The following LOXL4 variants were observed in gnomAD, a reference collection of about 807,000 sequenced individuals.
LOXL4 encodes lysyl oxidase homolog 4.
In LOXL4, 72 loss-of-function variants were observed where a neutral mutation model predicts 89.1. The observed-to-expected ratio is 0.81, with a 90% confidence interval of 0.67 to 0.98. The LOEUF (loss-of-function observed/expected upper bound fraction) is 0.98, where lower values mean the gene tolerates loss of function less well. Ranked by LOEUF, LOXL4 falls within the 50% of genes least tolerant of loss-of-function variation. LOXL4 has a pLI of 0.00. For synonymous variants in LOXL4, 355 were observed against 392.1 expected (o/e 0.91, Z 1.12); for missense variants, 984 against 1,017.5 (o/e 0.97, Z 0.45).
rs780427933 is a variant in LOXL4, at chr10:98,262,841, T to A, written c.179A>T (p.Asp60Val). 2.5e-6 allele frequency: 4 copies of A among 1,613,754 alleles called. No individual in the cohort carries two copies. In the Admixed American group the frequency reaches 6.7e-5, roughly 27 times the overall value. Residue 60 changes from aspartate to valine, a missense_variant, in exon 2 of 15, where the codon GAC (aspartate) becomes GTC (valine). Asp to Val is a radical substitution (Grantham distance 152, BLOSUM62 -3). Coordinates refer to ENST00000260702, the MANE Select transcript of LOXL4 (RefSeq NM_032211.7). Reference sequence around the variant, plus strand: ...TGTGGCCTCCTGGATAGCAAAGTTGTCATCACACACGGTGCCCCACTGGCC... The same window carrying A: ...TGTGGCCTCCTGGATAGCAAAGTTGACATCACACACGGTGCCCCACTGGCC... The part of the protein sequence containing the change: ...HQGQWGTVCD[D>V]NFAIQEATVA...
At chr10:98,267,056 T>C (rs1311920864) in intron 1 of LOXL4, among the ~76,000 whole-genome samples, 2 of 152,000 alleles carry the variant, frequency 1.3e-5, no homozygotes, top group East Asian at 3.9e-4. Context: ...GGATAATAAC[T>C]ATACATTTTA....
intron 1 of LOXL4, among the ~76,000 whole-genome samples, chr10:98,263,883 A>T (rs1354653061): frequency 6.6e-6 from 1 of 151,592 alleles, no homozygotes; most frequent in Non-Finnish European, 1.5e-5. Flanking sequence ...GGCGCCCACC[A>T]CCACGCCCAG....
chr10:98,263,084 A>T, intron 1 of LOXL4, 33 bp from the exon 2 acceptor site: 1 of 1,555,612 alleles, frequency 6.4e-7, no homozygotes, highest in Non-Finnish European at 8.8e-7. Context: ...AGTGATCACC[A>T]CCTCTACCCA....
At chr10:98,258,733 A>G (rs1402224035) in intron 6 of LOXL4, among the ~76,000 whole-genome samples, 1 of 152,228 alleles carries the variant, frequency 6.6e-6, no homozygotes, top group African/African-American at 2.4e-5. Context: ...GCTCAGGATC[A>G]GTACCAGCCC....
chr10:98,251,745 ACT>A, intron 12 of LOXL4, 43 bp from the exon 13 acceptor site: 1 of 1,607,930 alleles, frequency 6.2e-7, no homozygotes, highest in Non-Finnish European at 8.5e-7. Flanking sequence ...AGGACGAAGC[ACT>A]CTGCTAGGTC....
At chr10:98,253,002 C>A (rs576678360) in intron 11 of LOXL4, among the ~76,000 whole-genome samples, 28 of 152,352 alleles carry the variant, frequency 1.8e-4, no homozygotes, top group Non-Finnish European at 2.9e-4. Context: ...GAAGAAAAAA[C>A]AATTCTGCCT....
intron 8 of LOXL4, 51 bp from the exon 9 acceptor site, chr10:98,256,998 C>T (rs750450542): frequency 1.3e-5 from 21 of 1,579,244 alleles, no homozygotes; most frequent in Non-Finnish European, 1.7e-6. Flanking sequence ...CAGGGAAGAG[C>T]TCAGGGCTGC....
rs191260356 is a variant in LOXL4, at chr10:98,254,736, G to A, written c.1591+841C>T. Among the ~76,000 whole-genome samples the A allele has an allele frequency of 1.5e-3, 228 of 152,320 alleles. 1 individual carries two copies. Among genetic ancestry groups the A allele is most frequent in the Admixed American group, 4.2e-3 (65 of 15,308 alleles). On this transcript the variant is annotated intron_variant, in intron 10 of 14. Coordinates refer to ENST00000260702, the MANE Select transcript of LOXL4 (RefSeq NM_032211.7). ...GGGTTCGAGGTTCCCAGGAAGGGGA[G>A]TCAAGTGAGGAGCAGGCTCCCCACG...
chr10:98,262,867 C>G lies in LOXL4; in HGVS notation c.153G>C (p.Gln51His). The change falls in exon 2 of 15, where the codon CAG (glutamine) becomes CAC (histidine). Residue 51 changes from glutamine to histidine, a missense_variant. Gln to His is a conservative substitution (Grantham distance 24). Coordinates refer to ENST00000260702, the MANE Select transcript of LOXL4 (RefSeq NM_032211.7). Reference protein sequence around the residue: ...PEEGRLEVLHQGQWGTVCDDN... With the variant: ...PEEGRLEVLHHGQWGTVCDDN... The stretch of plus-strand genomic sequence containing the variant: ...CATCACACACGGTGCCCCACTGGCC[C>G]TGGTGCAGCACCTCCAGGCGGCCCT... The G allele has an allele frequency of 6.2e-7, 1 of 1,613,730 alleles. No individual in the cohort carries two copies.
At chr10:98,253,257 CAT>C (rs1383552159) in intron 11 of LOXL4, among the ~76,000 whole-genome samples, 2 of 152,264 alleles carry the variant, frequency 1.3e-5, no homozygotes, top group Non-Finnish European at 2.9e-5. Context: ...TATGATCCAA[CAT>C]AGGAAAAGTG....
rs1193990209 is a variant in LOXL4 at position 98,260,933 on chromosome 10, G to A, written c.651C>T (p.Ser217=). The change falls in exon 4 of 15, where the codon AGC becomes AGT. Residue 217 remains serine, a synonymous_variant. Transcript: ENST00000260702. The part of the protein sequence containing the change: ...LGFPSEVPVD[S]HYYRKVWDLK... ...AGCCGCCCTCCTACCTGTAGTAGTGGCTGTCGACAGGCACCTCGCTGGGGA... is the reference window on the plus strand; with the variant it reads ...AGCCGCCCTCCTACCTGTAGTAGTGACTGTCGACAGGCACCTCGCTGGGGA... The A allele has an allele frequency of 6.2e-7, 1 of 1,610,430 alleles. No individual in the cohort carries two copies. The highest frequency in any genetic ancestry group is 8.5e-7 in the Non-Finnish European group (1 of 1,178,828).
intron 11 of LOXL4, among the ~76,000 whole-genome samples, 154 bp downstream of exon 11, chr10:98,253,399 G>A (rs149646123): frequency 5.3e-5 from 8 of 152,352 alleles, no homozygotes; most frequent in African/African-American, 1.2e-4. Flanking sequence ...GGTGGATGCC[G>A]CTGTCCTCAC....
chr10:98,255,567 C>A lies in LOXL4; in HGVS notation c.1591+10G>T. On this transcript the variant is annotated intron_variant, in intron 10 of 14. Coordinates refer to ENST00000260702, the MANE Select transcript of LOXL4 (RefSeq NM_032211.7). ...CCTGTCCCCAGCCCTGTGAGCCCTC[C>A]GTCACTCACTGTCCATGCAGGAGAC... is the stretch of plus-strand genomic sequence containing the variant. 9 of 1,593,798 alleles carry A rather than the reference C, an allele frequency of 5.6e-6. No individual in the cohort carries two copies. Among genetic ancestry groups the A allele is most frequent in the African/African-American group, 1.3e-5 (1 of 74,688 alleles).
chr10:98,257,895 T>A (rs1308901025), intron 7 of LOXL4, 86 bp downstream of exon 7: 2 of 1,581,964 alleles, frequency 1.3e-6, no homozygotes, highest in African/African-American at 2.7e-5. Context: ...TAACTTTCTG[T>A]CCTGGCCCTG....
intron 11 of LOXL4, among the ~76,000 whole-genome samples, 184 bp downstream of exon 11, chr10:98,253,369 G>A (rs961455868): frequency 6.6e-6 from 1 of 152,272 alleles, no homozygotes; most frequent in African/African-American, 2.4e-5. Context: ...CATAGTGAAG[G>A]CGAGAGCGAT....
chr10:98,247,989 G>A lies in LOXL4; in HGVS notation c.*932C>T, dbSNP rs1042501575. ...TGTAGAGATGAGTGGCTTGTTTGAT[G>A]TTCTTTCCATGGCAAAAATTTATTC... On this transcript the variant is annotated 3_prime_UTR_variant, in exon 15 of 15. Transcript: ENST00000260702. 3 of 152,200 alleles carry A rather than the reference G, an allele frequency of 2.0e-5. No individual in the cohort carries two copies. Among genetic ancestry groups the A allele is most frequent in the Non-Finnish European group, 4.4e-5 (3 of 68,040 alleles). 9.4% of individuals were successfully genotyped at this position (152,200 alleles called of 1,614,324 possible). A position where few individuals can be genotyped will look rare whatever the true frequency, so the allele number is the denominator to read the frequency against.
At chr10:98,265,473 G>A (rs1239305155) in intron 1 of LOXL4, among the ~76,000 whole-genome samples, 1 of 82,396 alleles carries the variant, frequency 1.2e-5, no homozygotes, top group Non-Finnish European at 2.9e-5. Flanking sequence ...GCACAAACTC[G>A]ACTCACTGCA....
Position 98,262,922 on chromosome 10 carries a change from C to T in LOXL4, c.98G>A (p.Arg33Gln), listed in dbSNP as rs146918734. The T allele has an allele frequency of 8.6e-5, 139 of 1,613,638 alleles. No individual in the cohort carries two copies. The highest frequency in any genetic ancestry group is 1.7e-4 in the Admixed American group (10 of 60,028). Reference protein sequence around the residue: ...RPQSLGTTKLRLVGPESKPEE... With the variant: ...RPQSLGTTKLQLVGPESKPEE... The stretch of plus-strand genomic sequence containing the variant: ...TGGCTTGCTCTCTGGGCCCACCAGC[C>T]GGAGCTTAGTGGTGCCCAGTGACTG... The change falls in exon 2 of 15, where the codon CGG becomes CAG. Residue 33 changes from arginine (R) to glutamine (Q), a missense_variant. Arg to Gln is a conservative substitution (Grantham distance 43, BLOSUM62 1). Transcript: ENST00000260702.
Position 98,258,029 on chromosome 10 carries a change from C to T in LOXL4, c.1057G>A (p.Gly353Ser), listed in dbSNP as rs1316236974. 1.2e-6 allele frequency: 2 copies of T among 1,613,792 alleles called. No homozygotes were observed. Among genetic ancestry groups the T allele is most frequent in the African/African-American group, 2.7e-5 (2 of 74,944 alleles). The change falls in exon 7 of 15, where the codon GGC becomes AGC. Residue 353 changes from glycine to serine, a missense_variant. Coordinates refer to ENST00000260702, the MANE Select transcript of LOXL4 (RefSeq NM_032211.7). The stretch of plus-strand genomic sequence containing the variant: ...AGGGCCTCCCGAGCAGAGCCAAAGC[C>T]CAGCTGACGACACACGACACTGGCA... The part of the protein sequence containing the change: ...ISASVVCRQL[G>S]FGSAREALFG...
Sources: allele counts gnomAD v4.1 joint callset (sites outside exome capture counted in the v4.1 genomes callset), GRCh38; gene constraint gnomAD v4.1.1; transcripts MANE v1.5; gene names NCBI Gene and HGNC (gene_info 2026-07-23, HGNC 2026-07-21).